KDM4B: variants seen among roughly 807,000 people sequenced by gnomAD.
The protein encoded by KDM4B is lysine-specific demethylase 4B.
A neutral mutation model predicts 125.2 loss-of-function variants in KDM4B; 32 were observed. That is an observed-to-expected ratio of 0.26 (90% CI 0.19 to 0.34). The LOEUF (loss-of-function observed/expected upper bound fraction) is 0.34. KDM4B is among the 10% of genes least tolerant of loss of function. The pLI is 1.00. For missense variants in KDM4B, 1,190 were observed against 1,577.7 expected, an observed-to-expected ratio of 0.75 and a Z score of 4.16; for synonymous variants, 721 against 677.9, an observed-to-expected ratio of 1.06 and a Z score of -0.99.
In KDM4B at chr19:5,016,653, TC is replaced by T. The variant is rs369777447; in HGVS notation, c.-26+317del. On this transcript the variant is annotated intron_variant, in intron 2 of 22. Transcript: ENST00000159111. Reference sequence around the variant, plus strand: ...CTGCATTTCGGGTGACACTGGGGTTTCCCAGGACCCACTACCCTGTCTGCAT... The same window carrying T: ...CTGCATTTCGGGTGACACTGGGGTTTCCAGGACCCACTACCCTGTCTGCAT... Among the ~76,000 whole-genome samples the T allele has an allele frequency of 3.0e-4, 45 of 152,318 alleles. No homozygotes were observed. The South Asian group carries it at 8.5e-3, about 29-fold the overall frequency.
In KDM4B at chr19:5,144,243, C is replaced by T; in HGVS notation, c.2737-5C>T. 6.3e-7 allele frequency: 1 copy of T among 1,596,424 alleles called. No individual in the cohort carries two copies. The highest frequency in any genetic ancestry group is 8.5e-7 in the Non-Finnish European group (1 of 1,172,358). On this transcript the variant is annotated splice_region_variant and splice_polypyrimidine_tract_variant and intron_variant, in intron 19 of 22. Transcript: ENST00000159111. The stretch of plus-strand genomic sequence containing the variant: ...CCGCCCCCCACACCCTCCGCACCCT[C>T]CCAGGTCCAACTCCTGAGGGCCGTG...
chr19:5,004,790 C>G (rs2035505327), intron 1 of KDM4B, among the ~76,000 whole-genome samples: 1 of 152,116 alleles, frequency 6.6e-6, no homozygotes, highest in Admixed American at 6.5e-5. Context: ...CAGAGGCCAC[C>G]CCTGCTCCCC....
Position 5,144,892 on chromosome 19 carries a change from A to G in KDM4B, c.3011A>G (p.His1004Arg). Residue 1004 changes from histidine to arginine, a missense_variant, in exon 21 of 23, where the codon CAC becomes CGC. His to Arg is a conservative substitution (Grantham distance 29, BLOSUM62 0). Around this residue, in one of 7 missense-constraint regions of KDM4B, gnomAD observed 298 missense variants for 439.7 expected, o/e 0.68. Coordinates refer to ENST00000159111, the MANE Select transcript of KDM4B (RefSeq NM_015015.3). ...KAKFISSVTS[H>R]IYQVEFEDGS... ...AAGTTCATCTCCTCCGTCACCAGCCACATCTACCAGGTAAGCGGGGGATCT... is the reference window on the plus strand; with the variant it reads ...AAGTTCATCTCCTCCGTCACCAGCCGCATCTACCAGGTAAGCGGGGGATCT... 1.2e-6 allele frequency: 2 copies of G among 1,613,254 alleles called. No homozygotes were observed. The highest frequency in any genetic ancestry group is 3.3e-5 in the Admixed American group (2 of 59,912).
At chr19:5,020,690 CTTAT>C (rs1029138859) in intron 2 of KDM4B, among the ~76,000 whole-genome samples, 1 of 152,208 alleles carries the variant, frequency 6.6e-6, no homozygotes, top group South Asian at 2.1e-4. Flanking sequence ...CGGCTGTTGG[CTTAT>C]TTGAGTATTG....
intron 1 of KDM4B, among the ~76,000 whole-genome samples, chr19:4,972,588 C>T (rs2034298731): frequency 6.6e-6 from 1 of 152,222 alleles, no homozygotes; most frequent in African/African-American, 2.4e-5. Context: ...CACCCTGTCC[C>T]CTAAGCGGTA....
chr19:5,039,299 A>T lies in KDM4B; in HGVS notation c.142-537A>T, dbSNP rs139939344. On this transcript the variant is annotated intron_variant, in intron 3 of 22. Coordinates refer to ENST00000159111, the MANE Select transcript of KDM4B (RefSeq NM_015015.3). ...TCTCTAGAGAAAATTAAAATTTTTT[A>T]AAAAAATTAGCTGGGCATGGTGGTG... Among the ~76,000 whole-genome samples, 700 of 152,208 alleles carry T rather than the reference A, an allele frequency of 4.6e-3. 19 individuals are homozygous for T. The highest frequency in any genetic ancestry group is 0.026 in the Admixed American group (400 of 15,282).
In KDM4B at chr19:5,110,965, G is replaced by A. The variant is rs570821007; in HGVS notation, c.1115+147G>A. The A allele has an allele frequency of 1.4e-4, 90 of 643,746 alleles. No homozygotes were observed. The Middle Eastern group carries it at 1.7e-3, about 12-fold the overall frequency. The allele number at this position is 643,746 out of a possible 1,614,324, so 39.9% of individuals were successfully genotyped here. ...CTATTCCCACCCCGCCTCCTCTTTCGTCCTCCTCCTCCTGTTCTGTTTCTC... is the reference window on the plus strand; with the variant it reads ...CTATTCCCACCCCGCCTCCTCTTTCATCCTCCTCCTCCTGTTCTGTTTCTC... On this transcript the variant is annotated intron_variant, in intron 10 of 22. Coordinates refer to ENST00000159111, the MANE Select transcript of KDM4B (RefSeq NM_015015.3).
chr19:4,993,020 C>G (rs1223657763), intron 1 of KDM4B, among the ~76,000 whole-genome samples: 2 of 152,188 alleles, frequency 1.3e-5, no homozygotes, highest in African/African-American at 4.8e-5. Flanking sequence ...TCCATATGTA[C>G]TGAGAAGAGA....
chr19:4,997,413 A>G lies in KDM4B; in HGVS notation c.-108-18844A>G, dbSNP rs1377946703. ...CTGTGTCCTTCTGTGGTTCATGAGG[A>G]CCTGCCATCTGGGGGCGGCGAGGTG... is the stretch of plus-strand genomic sequence containing the variant. On this transcript the variant is annotated intron_variant, in intron 1 of 22. Transcript: ENST00000159111. This position sits in a 1 kb window ranked among gnomAD's most constrained non-coding sequence, Gnocchi z 4.2. 6.6e-6 allele frequency among the ~76,000 whole-genome samples: 1 copy of G among 151,570 alleles called. No homozygotes were observed. The highest frequency in any genetic ancestry group is 1.5e-5 in the Non-Finnish European group (1 of 67,892).
Position 5,144,092 on chromosome 19 carries a change from G to C in KDM4B, c.2676G>C (p.Pro892=), listed in dbSNP as rs761493536. ...ACGCCGCAGGCGTGCTCATGGAGCC[G>C]GACGACTGGCCCTATGTGGTCTCCA... The part of the protein sequence containing the change: ...CAHAAGVLME[P]DDWPYVVSIT... The change falls in exon 19 of 23, where the codon CCG becomes CCC. Residue 892 remains proline (P), a synonymous_variant. Coordinates refer to ENST00000159111, the MANE Select transcript of KDM4B (RefSeq NM_015015.3). 8.1e-6 allele frequency: 13 copies of C among 1,604,956 alleles called. No homozygotes were observed. The East Asian group carries it at 2.7e-4, about 33-fold the overall frequency.
In KDM4B at chr19:5,114,956, C is replaced by T. The variant is rs2145999660; in HGVS notation, c.1115+4138C>T. Among the ~76,000 whole-genome samples the T allele has an allele frequency of 6.6e-6, 1 of 152,358 alleles. No individual in the cohort carries two copies. The highest frequency in any genetic ancestry group is 1.9e-4 in the East Asian group (1 of 5,176). ...ATGAGCCCAGCGGCGTCCAGTTAAG[C>T]CTGGCAGGCTAAGTGCTTATTTATC... On this transcript the variant is annotated intron_variant, in intron 10 of 22. Coordinates refer to ENST00000159111, the MANE Select transcript of KDM4B (RefSeq NM_015015.3). The surrounding 1 kb of genome is among the most constrained non-coding windows in gnomAD (Gnocchi z 5.8).
intron 6 of KDM4B, among the ~76,000 whole-genome samples, chr19:5,050,586 C>T (rs1282957697): frequency 6.6e-6 from 1 of 152,204 alleles, no homozygotes; most frequent in Non-Finnish European, 1.5e-5. Flanking sequence ...TGTCCCAGGC[C>T]ACACTCCTTG....
rs181911290 is a variant in KDM4B at position 5,100,183 on chromosome 19, A to G, written c.919-10439A>G. Among the ~76,000 whole-genome samples, 64 of 152,320 alleles carry G rather than the reference A, an allele frequency of 4.2e-4. 1 individual carries two copies. The highest frequency in any genetic ancestry group is 3.6e-3 in the Admixed American group (55 of 15,296). ...GAAGTCCCCTCATTGGGTACCTGATACGTGTCTGATTTTTGTCACTTGCCC... is the reference window on the plus strand; with the variant it reads ...GAAGTCCCCTCATTGGGTACCTGATGCGTGTCTGATTTTTGTCACTTGCCC... On this transcript the variant is annotated intron_variant, in intron 9 of 22. Coordinates refer to ENST00000159111, the MANE Select transcript of KDM4B (RefSeq NM_015015.3).
chr19:4,976,324 C>T (rs632616), intron 1 of KDM4B, among the ~76,000 whole-genome samples: 52,210 of 150,918 alleles, frequency 0.35, 9,589 homozygotes, highest in East Asian at 0.72. Context: ...AAATGCGATG[C>T]TGACATCCAC....
chr19:4,971,771 C>T lies in KDM4B; in HGVS notation c.-109+2541C>T, dbSNP rs1261630695. On this transcript the variant is annotated intron_variant, in intron 1 of 22. Transcript: ENST00000159111. This position sits in a 1 kb window ranked among gnomAD's most constrained non-coding sequence, Gnocchi z 4.1. ...AGGAGGAGGCGAGGCTGTTGAGGGC[C>T]TGAGGTGCATTTGTAGGTGGCTTTG... Among the ~76,000 whole-genome samples the T allele has an allele frequency of 6.6e-6, 1 of 152,164 alleles. No homozygotes were observed. Among genetic ancestry groups the T allele is most frequent in the Non-Finnish European group, 1.5e-5 (1 of 68,036 alleles).
intron 2 of KDM4B, among the ~76,000 whole-genome samples, chr19:5,031,160 TGCA>T (rs1334747317): frequency 6.6e-6 from 1 of 152,030 alleles, no homozygotes; most frequent in East Asian, 1.9e-4. Flanking sequence ...GGAGGGCAGG[TGCA>T]GCGTTGGGGG....
In KDM4B at chr19:5,115,114, G is replaced by A. The variant is rs1054946503; in HGVS notation, c.1115+4296G>A. Among the ~76,000 whole-genome samples the A allele has an allele frequency of 3.9e-5, 6 of 152,190 alleles. No homozygotes were observed. Among genetic ancestry groups the A allele is most frequent in the South Asian group, 2.1e-4 (1 of 4,832 alleles). ...GGGTGGGCAGGAGACCCCATGGGCC[G>A]GCAACCAGGAGGACAGCCAGCAGGG... On this transcript the variant is annotated intron_variant, in intron 10 of 22. Coordinates refer to ENST00000159111, the MANE Select transcript of KDM4B (RefSeq NM_015015.3). The surrounding 1 kb of genome is among the most constrained non-coding windows in gnomAD (Gnocchi z 4.2).
intron 11 of KDM4B, 48 bp downstream of exon 11, chr19:5,119,900 G>C: frequency 6.5e-7 from 1 of 1,537,460 alleles, no homozygotes; most frequent in South Asian, 1.2e-5. Flanking sequence ...TCCCACCCCC[G>C]TGGGCATCTC....
Position 4,997,660 on chromosome 19 carries a change from G to A in KDM4B, c.-108-18597G>A, listed in dbSNP as rs1185322083. ...TTGGTGGGCTGGTCAGCCATGCCAG[G>A]CACTCAGAGTCATCCCTGCCTCCTC... is the stretch of plus-strand genomic sequence containing the variant. On this transcript the variant is annotated intron_variant, in intron 1 of 22. Coordinates refer to ENST00000159111, the MANE Select transcript of KDM4B (RefSeq NM_015015.3). This position sits in a 1 kb window ranked among gnomAD's most constrained non-coding sequence, Gnocchi z 4.2. Among the ~76,000 whole-genome samples the A allele has an allele frequency of 6.6e-6, 1 of 152,222 alleles. No homozygotes were observed. The highest frequency in any genetic ancestry group is 1.5e-5 in the Non-Finnish European group (1 of 68,040).
Sources: allele counts gnomAD v4.1 joint callset (sites outside exome capture counted in the v4.1 genomes callset), GRCh38; gene constraint gnomAD v4.1.1; regional missense constraint gnomAD v4.1.1; non-coding constraint Gnocchi (gnomAD v3.1); transcripts MANE v1.5; gene names NCBI Gene and HGNC (gene_info 2026-07-23, HGNC 2026-07-21).